The following TACR3 variants were observed in gnomAD, a reference collection of about 807,000 sequenced individuals.
TACR3 encodes the protein neuromedin-K receptor.
TACR3 carries 34 observed loss-of-function variants against 35.0 expected under a neutral mutation model. The observed-to-expected ratio is 0.97, with a 90% confidence interval of 0.74 to 1.30. The LOEUF is 1.30. Ranked by LOEUF, TACR3 falls within the 50% of genes most tolerant of loss-of-function variation. The probability of loss-of-function intolerance (pLI) is 0.00; values close to 1 mark genes in which losing one functional copy is unlikely to be tolerated. For missense variants in TACR3, 558 were observed against 591.7 expected (o/e 0.94, Z 0.59); for synonymous variants, 233 against 221.1 (o/e 1.05, Z -0.48).
intron 3 of TACR3, among the ~76,000 whole-genome samples, chr4:103,605,896 G>C (rs991816761): frequency 2.0e-5 from 3 of 151,994 alleles, no homozygotes. Context: ...TGAAGTCCTT[G>C]CCCATGCCTA....
chr4:103,600,518 A>C (rs1206681735), intron 3 of TACR3, among the ~76,000 whole-genome samples: 11 of 151,516 alleles, frequency 7.3e-5, no homozygotes, highest in South Asian at 4.2e-4. Flanking sequence ...AATGTGTTTG[A>C]TCTTGCTTTT....
intron 2 of TACR3, among the ~76,000 whole-genome samples, chr4:103,656,974 AAAAAC>A (rs1725746559): frequency 6.7e-6 from 1 of 150,180 alleles, no homozygotes; most frequent in Non-Finnish European, 1.5e-5. Flanking sequence ...AACAAAACAA[AAAAAC>A]ATGTCGACAT....
intron 1 of TACR3, among the ~76,000 whole-genome samples, chr4:103,698,536 C>CTTTTCTTTT (rs60397856): frequency 0.31 from 45,827 of 148,352 alleles, 12,524 homozygotes; most frequent in African/African-American, 0.73. Flanking sequence ...AGGATATTTT[C>CTTTTCTTTT]TTTTCTTTTT....
chr4:103,603,674 T>C (rs1053788944), intron 3 of TACR3, among the ~76,000 whole-genome samples: 1 of 152,220 alleles, frequency 6.6e-6, no homozygotes, highest in African/African-American at 2.4e-5. Flanking sequence ...TTATAATCCT[T>C]TGGGTATATA....
intron 3 of TACR3, among the ~76,000 whole-genome samples, chr4:103,631,680 G>A (rs1334836520): frequency 6.6e-6 from 1 of 152,058 alleles, no homozygotes; most frequent in Non-Finnish European, 1.5e-5. Context: ...TCCACAATTG[G>A]CTCTCCCTGT....
chr4:103,645,558 T>G (rs1397313651), intron 3 of TACR3, among the ~76,000 whole-genome samples: 4 of 151,998 alleles, frequency 2.6e-5, no homozygotes, highest in Non-Finnish European at 5.9e-5. Context: ...TGATTTTATC[T>G]TTAATGTAAT....
chr4:103,637,234 T>C (rs2110316523), intron 3 of TACR3, among the ~76,000 whole-genome samples: 1 of 152,276 alleles, frequency 6.6e-6, no homozygotes, highest in South Asian at 2.1e-4. Flanking sequence ...AAAAAGCTTA[T>C]CCACCATGAT....
intron 3 of TACR3, among the ~76,000 whole-genome samples, chr4:103,645,777 C>G (rs940256233): frequency 9.2e-5 from 14 of 151,908 alleles, no homozygotes; most frequent in Admixed American, 7.2e-4. Flanking sequence ...CAGTGCTAGG[C>G]TCTAGAACCA....
At position 103,697,581 on chromosome 4, in the gene TACR3, C is replaced by T. The variant is rs189870815; in HGVS notation, c.548+21547G>A. The stretch of plus-strand genomic sequence containing the variant: ...CTGGGACTACAGGCGCCCGCCACCA[C>T]GCCCGGCTAATTTTTTGTATTTTTA... On this transcript the variant is annotated intron_variant, in intron 1 of 4. Transcript: ENST00000304883. Among the ~76,000 whole-genome samples, 867 of 151,996 alleles carry T rather than the reference C, an allele frequency of 5.7e-3. 10 individuals are homozygous for T. The highest frequency in any genetic ancestry group is 0.02 in the African/African-American group (834 of 41,464).
chr4:103,699,873 A>G (rs201824426), intron 1 of TACR3, among the ~76,000 whole-genome samples: 1 of 110,328 alleles, frequency 9.1e-6, no homozygotes, highest in Non-Finnish European at 1.8e-5. Context: ...TCAGACACTC[A>G]GATGGCGATG....
intron 3 of TACR3, among the ~76,000 whole-genome samples, chr4:103,639,582 A>G (rs1227341240): frequency 6.6e-6 from 1 of 152,130 alleles, no homozygotes; most frequent in African/African-American, 2.4e-5. Context: ...CCTAAAACTT[A>G]AAGTATAATA....
chr4:103,635,995 TCA>T (rs148066840), intron 3 of TACR3, among the ~76,000 whole-genome samples: 18,811 of 151,964 alleles, frequency 0.12, 1,388 homozygotes, highest in Non-Finnish European at 0.17. Flanking sequence ...TCTTCCTCTC[TCA>T]TAGGCACACA....
intron 1 of TACR3, among the ~76,000 whole-genome samples, chr4:103,711,293 C>T (rs1012891977): frequency 6.6e-6 from 1 of 152,152 alleles, no homozygotes; most frequent in Admixed American, 6.5e-5. Context: ...GCTTATCCAC[C>T]ATGATCAAGT....
chr4:103,654,605 G>A (rs925305389), intron 3 of TACR3, among the ~76,000 whole-genome samples: 1 of 148,792 alleles, frequency 6.7e-6, no homozygotes, highest in Non-Finnish European at 1.5e-5. Context: ...TAAATGACGA[G>A]TTAATGGCTG....
intron 3 of TACR3, among the ~76,000 whole-genome samples, chr4:103,654,343 T>C (rs1725684920): frequency 1.3e-5 from 2 of 151,640 alleles, no homozygotes; most frequent in South Asian, 4.2e-4. Flanking sequence ...GTGGCACATA[T>C]ACACCATGGA....
intron 3 of TACR3, among the ~76,000 whole-genome samples, chr4:103,654,583 T>C (rs1328225879): frequency 6.9e-6 from 1 of 144,302 alleles, no homozygotes; most frequent in Non-Finnish European, 1.5e-5. Context: ...CATTAGGAGA[T>C]ATACCTAATG....
chr4:103,637,127 C>T (rs1380351683), intron 3 of TACR3, among the ~76,000 whole-genome samples: 1 of 152,082 alleles, frequency 6.6e-6, no homozygotes. Context: ...CAGGCAGAGA[C>T]ACAACCAAAA....
chr4:103,601,958 C>T (rs1248231659), intron 3 of TACR3, among the ~76,000 whole-genome samples: 1 of 152,172 alleles, frequency 6.6e-6, no homozygotes, highest in Non-Finnish European at 1.5e-5. Flanking sequence ...GGAAGTTCTC[C>T]TAGATAGTAT....
chr4:103,719,568 T>C lies in TACR3; in HGVS notation c.108A>G (p.Ala36=). The C allele has an allele frequency of 6.2e-7, 1 of 1,609,966 alleles. No homozygotes were observed. The highest frequency in any genetic ancestry group is 8.5e-7 in the Non-Finnish European group (1 of 1,177,138). ...GCAGTTGCAGCCACCCAGTCTCAACTGCCCCCGTGGCCGCCCCGGCAGCTA... is the reference window on the plus strand; with the variant it reads ...GCAGTTGCAGCCACCCAGTCTCAACCGCCCCCGTGGCCGCCCCGGCAGCTA... ...ASLAAGAATG[A]VETGWLQLLD... The change falls in exon 1 of 5, where the codon GCA becomes GCG. Residue 36 remains alanine (A), a synonymous_variant. Coordinates refer to ENST00000304883, the MANE Select transcript of TACR3 (RefSeq NM_001059.3).
Sources: gnomAD v4.1 joint callset for allele counts (sites outside exome capture counted in the v4.1 genomes callset) on GRCh38, gnomAD v4.1.1 for gene constraint, MANE v1.5 for transcripts, NCBI Gene and HGNC (gene_info 2026-07-23, HGNC 2026-07-21) for gene names.